The following DEFB107B variants were observed in gnomAD, a reference collection of about 807,000 sequenced individuals.
DEFB107B encodes the protein defensin beta 107B.
intron 1 of DEFB107B, among the ~76,000 whole-genome samples, chr8:7,497,589 T>A (rs1811802142): frequency 1.3e-5 from 2 of 152,094 alleles, no homozygotes; most frequent in Non-Finnish European, 2.9e-5. Context: ...TAAAATCAGT[T>A]CCCGATTTTC....
intron 1 of DEFB107B, among the ~76,000 whole-genome samples, chr8:7,508,207 C>T (rs1176755097): frequency 4.2e-5 from 6 of 141,368 alleles, no homozygotes; most frequent in Non-Finnish European, 7.5e-5. Context: ...AAAATTTCTC[C>T]TTAATTTGAG....
At chr8:7,508,109 G>A (rs183520544) in intron 1 of DEFB107B, among the ~76,000 whole-genome samples, 47 of 127,930 alleles carry the variant, frequency 3.7e-4, no homozygotes, top group Admixed American at 1.4e-3. Context: ...ATGTGTGTGC[G>A]TGTGTGTCTC....
intron 1 of DEFB107B, among the ~76,000 whole-genome samples, chr8:7,497,232 T>C (rs1235332591): frequency 2.0e-5 from 3 of 152,000 alleles, no homozygotes; most frequent in Non-Finnish European, 4.4e-5. Flanking sequence ...CTTAATTTGC[T>C]TGAAGTTATT....
chr8:7,507,859 T>C (rs577528330), intron 1 of DEFB107B, among the ~76,000 whole-genome samples: 4 of 146,156 alleles, frequency 2.7e-5, no homozygotes, highest in African/African-American at 8.1e-5. Flanking sequence ...AGTATTCATG[T>C]GTCCAGCTAA....
intron 1 of DEFB107B, among the ~76,000 whole-genome samples, chr8:7,496,290 C>CTTTTTTTTTTT (rs1171104972): frequency 1.5e-4 from 7 of 46,830 alleles, no homozygotes; most frequent in African/African-American, 3.3e-4. Context: ...TCAGCATATT[C>CTTTTTTTTTTT]TTTTTTTTTT....
At chr8:7,497,244 G>A (rs1042100783) in intron 1 of DEFB107B, among the ~76,000 whole-genome samples, 1 of 151,954 alleles carries the variant, frequency 6.6e-6, no homozygotes, top group African/African-American at 2.4e-5. Flanking sequence ...GAAGTTATTA[G>A]TCTATTCCTT....
At chr8:7,507,850 G>C (rs1811976496) in intron 1 of DEFB107B, among the ~76,000 whole-genome samples, 1 of 145,666 alleles carries the variant, frequency 6.9e-6, no homozygotes, top group African/African-American at 2.7e-5. Flanking sequence ...GATTAGCTAA[G>C]TATTCATGTG....
intron 1 of DEFB107B, among the ~76,000 whole-genome samples, chr8:7,497,234 G>A (rs1300882214): frequency 6.6e-6 from 1 of 151,904 alleles, no homozygotes; most frequent in African/African-American, 2.4e-5. Flanking sequence ...TAATTTGCTT[G>A]AAGTTATTAG....
chr8:7,497,210 A>G (rs1385214619), intron 1 of DEFB107B, among the ~76,000 whole-genome samples: 2 of 151,616 alleles, frequency 1.3e-5, no homozygotes, highest in South Asian at 4.2e-4. Context: ...AATATAAAGC[A>G]TGGACATTGA....
chr8:7,497,295 G>A (rs1281016112), intron 1 of DEFB107B, among the ~76,000 whole-genome samples: 1 of 152,238 alleles, frequency 6.6e-6, no homozygotes, highest in Non-Finnish European at 1.5e-5. Flanking sequence ...TGGTAAATAA[G>A]CTTTCAATAC....
chr8:7,496,658 A>T (rs1286474447), intron 1 of DEFB107B, among the ~76,000 whole-genome samples: 3 of 123,774 alleles, frequency 2.4e-5, no homozygotes, highest in African/African-American at 9.3e-5. Flanking sequence ...GAAAGAAAAG[A>T]TTATCCAAGG....
At chr8:7,496,490 C>G (rs1353740706) in intron 1 of DEFB107B, among the ~76,000 whole-genome samples, 1 of 151,982 alleles carries the variant, frequency 6.6e-6, no homozygotes, top group African/African-American at 2.4e-5. Context: ...TTAGTAGAGA[C>G]GGGGTTTCAC....
At chr8:7,497,471 T>C (rs1585541240) in intron 1 of DEFB107B, among the ~76,000 whole-genome samples, 1 of 151,508 alleles carries the variant, frequency 6.6e-6, no homozygotes, top group Admixed American at 6.6e-5. Context: ...TCCTGGGAAG[T>C]AGTATTTGTT....
At chr8:7,508,195 C>A (rs1811991716) in intron 1 of DEFB107B, among the ~76,000 whole-genome samples, 1 of 141,024 alleles carries the variant, frequency 7.1e-6, no homozygotes, top group South Asian at 2.2e-4. Flanking sequence ...TTGGACTATT[C>A]AAAAATTTCT....
intron 1 of DEFB107B, among the ~76,000 whole-genome samples, chr8:7,497,638 C>T (rs1327644514): frequency 2.6e-5 from 4 of 151,748 alleles, no homozygotes; most frequent in Non-Finnish European, 5.9e-5. Context: ...GACAATGCTC[C>T]AGAATAGATA....
In DEFB107B at chr8:7,497,916, G is replaced by A. The variant is rs376565392; in HGVS notation, c.70+1913G>A. 5.3e-4 allele frequency among the ~76,000 whole-genome samples: 12 copies of A among 22,638 alleles called. 4 individuals carry two copies. The highest frequency in any genetic ancestry group is 7.9e-4 in the African/African-American group (10 of 12,644). 14.9% of individuals were successfully genotyped at this position (22,638 alleles called of 152,430 possible). A position where few individuals can be genotyped will look rare whatever the true frequency, so the allele number is the denominator to read the frequency against. ...CCCTACCCACCTGTGGGTGTTTCTC[G>A]TAAGGTGGGACGAGAGATTTGGAAA... is the stretch of plus-strand genomic sequence containing the variant. On this transcript the variant is annotated intron_variant, in intron 1 of 1. Coordinates refer to ENST00000355602, the MANE Select transcript of DEFB107B (RefSeq NM_001040705.2).
intron 1 of DEFB107B, among the ~76,000 whole-genome samples, chr8:7,496,732 T>G: frequency 7.7e-6 from 1 of 130,338 alleles, no homozygotes; most frequent in Non-Finnish European, 1.6e-5. Context: ...TAAACTAAAG[T>G]TATGTTACTA....
In DEFB107B at chr8:7,496,290, C is replaced by CTTTTTTTTTTTTTTTTTTT. The variant is rs1171104972; in HGVS notation, c.70+296_70+314dup. 4.3e-5 allele frequency among the ~76,000 whole-genome samples: 2 copies of CTTTTTTTTTTTTTTTTTTT among 46,830 alleles called. 1 individual carries two copies. The highest frequency in any genetic ancestry group is 5.2e-4 in the Admixed American group (2 of 3,814). The allele number at this position is 46,830 out of a possible 152,430, so 30.7% of individuals were successfully genotyped here. On this transcript the variant is annotated intron_variant, in intron 1 of 1. Transcript: ENST00000355602. The stretch of plus-strand genomic sequence containing the variant: ...ATCTGCAACGCAGGTTCAGCATATT[C>CTTTTTTTTTTTTTTTTTTT]TTTTTTTTTTTTTTTTTTTTTTTTT...
At chr8:7,496,511 A>AGG (rs1811746513) in intron 1 of DEFB107B, among the ~76,000 whole-genome samples, 1 of 152,056 alleles carries the variant, frequency 6.6e-6, no homozygotes, top group Non-Finnish European at 1.5e-5. Flanking sequence ...CGTGTTAGCC[A>AGG]GGATGGTCTT....
Sources: allele counts gnomAD v4.1 joint callset (sites outside exome capture counted in the v4.1 genomes callset), GRCh38; gene constraint gnomAD v4.1.1; transcripts MANE v1.5; gene names NCBI Gene and HGNC (gene_info 2026-07-23, HGNC 2026-07-21).